Variants in HIVEP3 observed in about 807,000 individuals in gnomAD.
The protein encoded by HIVEP3 is transcription factor HIVEP3.
HIVEP3 carries 49 observed loss-of-function variants against 152.8 expected under a neutral mutation model. That is an observed-to-expected ratio of 0.32 (90% CI 0.26 to 0.41). The LOEUF is 0.41. Ranked by LOEUF, HIVEP3 falls within the 10% of genes least tolerant of loss-of-function variation. HIVEP3 has a pLI of 1.00. For missense variants in HIVEP3, 2,790 were observed against 3,103.3 expected (o/e 0.90, Z 2.40); for synonymous variants, 1,269 against 1,289.0 (o/e 0.98, Z 0.33).
At chr1:41,937,708 G>T (rs528325137) in intron 1 of HIVEP3, among the ~76,000 whole-genome samples, 1 of 152,318 alleles carries the variant, frequency 6.6e-6, no homozygotes, top group African/African-American at 2.4e-5. Context: ...CATTGGTACA[G>T]CCAGGCCTGA....
intron 2 of HIVEP3, among the ~76,000 whole-genome samples, chr1:41,650,874 A>G (rs1645538525): frequency 6.6e-6 from 1 of 152,202 alleles, no homozygotes; most frequent in Admixed American, 6.5e-5. Flanking sequence ...AATGGCCACA[A>G]AGTATTCTCT....
Position 41,584,640 on chromosome 1 carries a change from A to T in HIVEP3, c.158T>A (p.Leu53His). The change falls in exon 4 of 9, where the codon CTC (leucine) becomes CAC (histidine). Residue 53 changes from leucine to histidine, a missense_variant. Leu to His is a moderately conservative substitution (Grantham distance 99). This residue lies in a region of HIVEP3 where 209 missense variants were observed against 237.0 expected (regional missense o/e 0.88). Transcript: ENST00000372583. The surrounding 1 kb of genome is among the most constrained non-coding windows in gnomAD (Gnocchi z 5.2). The part of the protein sequence containing the change: ...AATQESPAQE[L>H]LAPQPFPGPS... Reference sequence around the variant, plus strand: ...GCCCGGGAAGGGCTGCGGGGCTAAGAGCTCTTGGGCGGGGCTCTCTTGGGT... The same window carrying T: ...GCCCGGGAAGGGCTGCGGGGCTAAGTGCTCTTGGGCGGGGCTCTCTTGGGT... 6.2e-7 allele frequency: 1 copy of T among 1,603,050 alleles called. No homozygotes were observed. Among genetic ancestry groups the T allele is most frequent in the South Asian group, 1.1e-5 (1 of 89,570 alleles).
intron 2 of HIVEP3, among the ~76,000 whole-genome samples, chr1:41,689,165 TC>T (rs894392260): frequency 1.3e-5 from 2 of 152,254 alleles, no homozygotes; most frequent in African/African-American, 4.8e-5. Context: ...TATTGATGTT[TC>T]CGTAGGTATT....
chr1:41,845,626 C>G (rs956404019), intron 1 of HIVEP3, among the ~76,000 whole-genome samples: 1 of 152,136 alleles, frequency 6.6e-6, no homozygotes, highest in Non-Finnish European at 1.5e-5. Flanking sequence ...CACAAAAACT[C>G]TAGAAGGATA....
chr1:41,677,767 G>A (rs1442950441), intron 2 of HIVEP3, among the ~76,000 whole-genome samples: 1 of 152,238 alleles, frequency 6.6e-6, no homozygotes, highest in East Asian at 1.9e-4. Context: ...TGATGCGTCT[G>A]CTTCCCCGCA....
At chr1:41,932,645 C>G (rs1193305429) in intron 1 of HIVEP3, among the ~76,000 whole-genome samples, 1 of 151,668 alleles carries the variant, frequency 6.6e-6, no homozygotes, top group East Asian at 1.9e-4. Flanking sequence ...TTGATATATC[C>G]AAATTGCTTT....
intron 2 of HIVEP3, among the ~76,000 whole-genome samples, chr1:41,659,006 C>T (rs1261426120): frequency 6.6e-6 from 1 of 152,162 alleles, no homozygotes; most frequent in Non-Finnish European, 1.5e-5. Context: ...CCCCACAAAG[C>T]CCAGGATGCA....
chr1:41,813,649 G>A (rs1313469713), intron 1 of HIVEP3, among the ~76,000 whole-genome samples: 1 of 152,214 alleles, frequency 6.6e-6, no homozygotes, highest in Non-Finnish European at 1.5e-5. Context: ...GAACCATAAA[G>A]CCATCAAGTA....
intron 1 of HIVEP3, among the ~76,000 whole-genome samples, chr1:41,858,681 G>A (rs933316563): frequency 2.0e-5 from 3 of 152,168 alleles, no homozygotes; most frequent in Non-Finnish European, 2.9e-5. Flanking sequence ...ACAATCCAGC[G>A]GGTGAAACAG....
At chr1:42,032,736 C>A (rs779126672) in intron 1 of HIVEP3, among the ~76,000 whole-genome samples, 32 of 152,082 alleles carry the variant, frequency 2.1e-4, no homozygotes, top group Non-Finnish European at 4.0e-4. Context: ...AGGGATTTTG[C>A]CTTCCAGGGT....
In HIVEP3 at chr1:41,718,992, G is replaced by A. The variant is rs542866593; in HGVS notation, c.-800-17997C>T. ...CTTGATGGACTAGGACCCACCAGGA[G>A]GTTAGAAGGGCAACAGCCCATGGCC... On this transcript the variant is annotated intron_variant, in intron 1 of 8. Coordinates refer to ENST00000372583, the MANE Select transcript of HIVEP3 (RefSeq NM_024503.5). 3.9e-5 allele frequency among the ~76,000 whole-genome samples: 6 copies of A among 152,322 alleles called. No individual in the cohort carries two copies. The East Asian group carries it at 1.2e-3, about 29-fold the overall frequency.
At chr1:41,804,612 A>G (rs1650493149) in intron 1 of HIVEP3, among the ~76,000 whole-genome samples, 1 of 152,234 alleles carries the variant, frequency 6.6e-6, no homozygotes, top group Non-Finnish European at 1.5e-5. Context: ...GAAGGGATTT[A>G]GATTTCCTTA....
chr1:41,627,116 G>A (rs1171657250), intron 3 of HIVEP3, among the ~76,000 whole-genome samples: 1 of 152,220 alleles, frequency 6.6e-6, no homozygotes, highest in Non-Finnish European at 1.5e-5. Flanking sequence ...CAGAGGGCAG[G>A]GCATGCAGAT....
At chr1:41,938,763 A>G (rs918983334) in intron 1 of HIVEP3, among the ~76,000 whole-genome samples, 1 of 152,222 alleles carries the variant, frequency 6.6e-6, no homozygotes, top group Non-Finnish European at 1.5e-5. Context: ...TCTGGTTCTT[A>G]GTCTCATTCT....
At chr1:41,902,025 G>T (rs1292211216) in intron 1 of HIVEP3, among the ~76,000 whole-genome samples, 1 of 152,026 alleles carries the variant, frequency 6.6e-6, no homozygotes, top group African/African-American at 2.4e-5. Context: ...GCAGAGTAAA[G>T]TCTGGCTAAG....
intron 1 of HIVEP3, among the ~76,000 whole-genome samples, chr1:41,958,426 G>A (rs1049499474): frequency 3.9e-5 from 6 of 152,220 alleles, no homozygotes; most frequent in Non-Finnish European, 7.3e-5. Flanking sequence ...GTGACCATAT[G>A]GGCAGAGCTG....
Position 41,583,663 on chromosome 1 carries a change from C to A in HIVEP3, c.1135G>T (p.Ala379Ser), listed in dbSNP as rs151107011. 114 of 1,614,034 alleles carry A rather than the reference C, an allele frequency of 7.1e-5. No homozygotes were observed. Among genetic ancestry groups the A allele is most frequent in the Non-Finnish European group, 9.2e-5 (109 of 1,180,036 alleles). The change falls in exon 4 of 9, where the codon GCG becomes TCG. Residue 379 changes from alanine to serine, a missense_variant. Physicochemically the swap from Ala to Ser is moderately conservative, Grantham distance 99. This residue lies in a region of HIVEP3 where 134 missense variants were observed against 242.5 expected (regional missense o/e 0.55). Coordinates refer to ENST00000372583, the MANE Select transcript of HIVEP3 (RefSeq NM_024503.5). The surrounding 1 kb of genome is among the most constrained non-coding windows in gnomAD (Gnocchi z 6.9). ...SERKKVIDEQ[A>S]FLSPGSKGST... is the part of the protein sequence containing the mutation. ...CCTTTGCTGCCTGGGCTCAGAAACG[C>A]CTGCTCATCGATCACCTTCTTCCTC... is the stretch of plus-strand genomic sequence containing the variant.
At chr1:41,652,209 G>A (rs763831742) in intron 2 of HIVEP3, among the ~76,000 whole-genome samples, 12 of 152,278 alleles carry the variant, frequency 7.9e-5, no homozygotes, top group South Asian at 4.2e-4. Context: ...ACTTCATCAC[G>A]AGTTAGTTCT....
intron 5 of HIVEP3, 29 bp from the exon 6 acceptor site, chr1:41,524,939 GA>G (rs763353087): frequency 2.8e-5 from 45 of 1,580,584 alleles, no homozygotes; most frequent in Middle Eastern, 1.7e-4. Flanking sequence ...ATAGTAAAGG[GA>G]AAAAAAAGGA....
Sources: allele counts gnomAD v4.1 joint callset (sites outside exome capture counted in the v4.1 genomes callset), GRCh38; gene constraint gnomAD v4.1.1; regional missense constraint gnomAD v4.1.1; non-coding constraint Gnocchi (gnomAD v3.1); transcripts MANE v1.5; gene names NCBI Gene and HGNC (gene_info 2026-07-23, HGNC 2026-07-21).